The following UBE2E2 variants were observed in gnomAD, a reference collection of about 807,000 sequenced individuals.
UBE2E2 encodes the protein ubiquitin-conjugating enzyme E2 E2.
Under a neutral mutation model 24.7 loss-of-function variants are expected in UBE2E2, and 6 were observed. The observed-to-expected ratio is 0.24, with a 90% CI of 0.13 to 0.48. The LOEUF is 0.48. Among genes scored for constraint, UBE2E2 ranks in the 20% least tolerant of loss-of-function variants. The pLI, the probability that UBE2E2 is intolerant of heterozygous loss-of-function variation, is 0.99. For synonymous variants in UBE2E2, 104 were observed against 83.6 expected (o/e 1.24, Z -1.33); for missense variants, 169 against 245.0 (o/e 0.69, Z 2.07).
At chr3:23,519,843 A>ATTT (rs11442997) in intron 4 of UBE2E2, among the ~76,000 whole-genome samples, 3 of 148,084 alleles carry the variant, frequency 2.0e-5, no homozygotes, top group African/African-American at 7.4e-5. Context: ...TGCCCAGCTA[A>ATTT]TTTTTTTTTT....
chr3:23,304,910 C>G (rs551463733), intron 3 of UBE2E2, among the ~76,000 whole-genome samples: 1 of 152,034 alleles, frequency 6.6e-6, no homozygotes, highest in South Asian at 2.1e-4. Context: ...GTGAATCTTA[C>G]CCATGGATGA....
At chr3:23,469,041 A>G (rs752892911) in intron 3 of UBE2E2, among the ~76,000 whole-genome samples, 1 of 152,198 alleles carries the variant, frequency 6.6e-6, no homozygotes, top group South Asian at 2.1e-4. Flanking sequence ...ACAAAGTACC[A>G]TGGACTGAGT....
chr3:23,452,371 T>C (rs1364125778), intron 3 of UBE2E2, among the ~76,000 whole-genome samples: 1 of 152,188 alleles, frequency 6.6e-6, no homozygotes, highest in African/African-American at 2.4e-5. Context: ...GTGAGTAGAC[T>C]TTTGAACCAG....
chr3:23,373,064 T>A (rs960965799), intron 3 of UBE2E2, among the ~76,000 whole-genome samples: 2 of 152,134 alleles, frequency 1.3e-5, no homozygotes, highest in Non-Finnish European at 2.9e-5. Context: ...TACAGCAGGA[T>A]AGGAAGTCAT....
At chr3:23,548,769 C>A (rs984636738) in intron 5 of UBE2E2, among the ~76,000 whole-genome samples, 1 of 152,100 alleles carries the variant, frequency 6.6e-6, no homozygotes, top group East Asian at 1.9e-4. Context: ...GACTTCCAAG[C>A]CATATTTTTT....
At chr3:23,519,477 C>T (rs1575681229) in intron 4 of UBE2E2, among the ~76,000 whole-genome samples, 2 of 152,102 alleles carry the variant, frequency 1.3e-5, no homozygotes, top group East Asian at 3.8e-4. Flanking sequence ...TAGTTAACTA[C>T]ATCTATTCTG....
At chr3:23,510,642 TCAGA>T (rs1211975825) in intron 4 of UBE2E2, among the ~76,000 whole-genome samples, 1 of 151,944 alleles carries the variant, frequency 6.6e-6, no homozygotes, top group Non-Finnish European at 1.5e-5. Flanking sequence ...GGATCTAGGA[TCAGA>T]CAAAGTTATT....
chr3:23,259,691 T>C (rs1697845529), intron 3 of UBE2E2, among the ~76,000 whole-genome samples: 1 of 152,156 alleles, frequency 6.6e-6, no homozygotes, highest in African/African-American at 2.4e-5. Flanking sequence ...ACATCATATA[T>C]ACCCTGTGGA....
intron 3 of UBE2E2, among the ~76,000 whole-genome samples, chr3:23,229,456 C>T (rs1054148189): frequency 6.6e-6 from 1 of 152,112 alleles, no homozygotes; most frequent in Non-Finnish European, 1.5e-5. Context: ...CCACCCTTTC[C>T]CCCTGAGTCC....
At chr3:23,517,350 A>G (rs1469702654) in intron 4 of UBE2E2, among the ~76,000 whole-genome samples, 2 of 152,178 alleles carry the variant, frequency 1.3e-5, no homozygotes, top group Non-Finnish European at 2.9e-5. Flanking sequence ...CCTTAAATCA[A>G]AATTTGAATG....
chr3:23,412,029 G>A (rs1697506898), intron 3 of UBE2E2, among the ~76,000 whole-genome samples: 1 of 152,078 alleles, frequency 6.6e-6, no homozygotes, highest in Non-Finnish European at 1.5e-5. Flanking sequence ...TAGCTGCTCT[G>A]ATAATTAAGA....
chr3:23,314,823 A>C (rs917202688), intron 3 of UBE2E2, among the ~76,000 whole-genome samples: 1 of 152,144 alleles, frequency 6.6e-6, no homozygotes, highest in Non-Finnish European at 1.5e-5. Context: ...TGTCAGATGT[A>C]TTGGAGCTCC....
rs181124129 is a variant in UBE2E2, at chr3:23,282,358, C to T, written c.227+65046C>T. Among the ~76,000 whole-genome samples the T allele has an allele frequency of 9.2e-5, 14 of 152,216 alleles. No homozygotes were observed. In the East Asian group the frequency reaches 2.7e-3, roughly 29 times the overall value. On this transcript the variant is annotated intron_variant, in intron 3 of 5. Transcript: ENST00000396703. ...CATTCCTTTAATGACACAGTCTTAC[C>T]TGCTAATAAAATTGTGTATCAGTTT...
intron 3 of UBE2E2, among the ~76,000 whole-genome samples, chr3:23,230,794 A>AG (rs1318638733): frequency 6.9e-6 from 1 of 143,954 alleles, no homozygotes; most frequent in Non-Finnish European, 1.5e-5. Context: ...CTCAAAAAGA[A>AG]AAAAAAAAAA....
intron 3 of UBE2E2, among the ~76,000 whole-genome samples, chr3:23,379,350 C>T (rs1271573236): frequency 2.0e-5 from 3 of 150,830 alleles, no homozygotes; most frequent in Non-Finnish European, 4.4e-5. Context: ...CCCACTAACT[C>T]GTCATCTAGC....
chr3:23,416,370 A>T (rs893347455), intron 3 of UBE2E2, among the ~76,000 whole-genome samples: 5 of 152,098 alleles, frequency 3.3e-5, no homozygotes, highest in Admixed American at 6.6e-5. Context: ...AGAATGTTGG[A>T]TACTGGCGCT....
intron 3 of UBE2E2, among the ~76,000 whole-genome samples, chr3:23,279,627 A>G (rs774987964): frequency 3.9e-5 from 6 of 152,182 alleles, no homozygotes; most frequent in Non-Finnish European, 7.4e-5. Context: ...GCCAGTTGGA[A>G]CCAGCTTAGG....
At chr3:23,472,996 T>G (rs1247234435) in intron 3 of UBE2E2, among the ~76,000 whole-genome samples, 2 of 152,196 alleles carry the variant, frequency 1.3e-5, no homozygotes, top group East Asian at 3.9e-4. Flanking sequence ...TTTATTTCAA[T>G]ATAATCTATT....
intron 3 of UBE2E2, among the ~76,000 whole-genome samples, chr3:23,222,512 C>T (rs1026691657): frequency 6.6e-5 from 10 of 152,114 alleles, no homozygotes; most frequent in South Asian, 2.1e-4. Flanking sequence ...ATAAGTCTCA[C>T]GAGATCTGAT....
Sources: gnomAD v4.1 joint callset for allele counts (sites outside exome capture counted in the v4.1 genomes callset) on GRCh38, gnomAD v4.1.1 for gene constraint, MANE v1.5 for transcripts, NCBI Gene and HGNC (gene_info 2026-07-23, HGNC 2026-07-21) for gene names.